Variants in CCDC170 observed in about 807,000 individuals in gnomAD.
The protein encoded by CCDC170 is coiled-coil domain containing 170.
CCDC170 carries 69 observed loss-of-function variants against 72.6 expected under a neutral mutation model. The observed-to-expected ratio is 0.95, with a 90% CI of 0.78 to 1.16. The LOEUF is 1.16. CCDC170 is among the 50% of genes most tolerant of loss of function. The pLI is 0.00. For missense variants in CCDC170, 852 were observed against 832.5 expected (o/e 1.02, Z -0.29); for synonymous variants, 300 against 303.9 (o/e 0.99, Z 0.13).
chr6:151,507,393 A>G (rs1157712139), intron 1 of CCDC170, among the ~76,000 whole-genome samples: 3 of 152,300 alleles, frequency 2.0e-5, no homozygotes, highest in East Asian at 3.9e-4. Flanking sequence ...GAATTTTTCA[A>G]ATTTACCATG....
At chr6:151,533,069 T>C (rs1162175060) in intron 1 of CCDC170, among the ~76,000 whole-genome samples, 1 of 150,600 alleles carries the variant, frequency 6.6e-6, no homozygotes, top group Admixed American at 6.6e-5. Context: ...TTTTTTTTTT[T>C]TTGAGATGGA....
intron 5 of CCDC170, among the ~76,000 whole-genome samples, chr6:151,568,554 T>C (rs1405356704): frequency 2.6e-5 from 4 of 152,222 alleles, no homozygotes; most frequent in Non-Finnish European, 2.9e-5. Context: ...CATCTTCCTT[T>C]CATTCCTAAC....
At position 151,586,012 on chromosome 6, in the gene CCDC170, G is replaced by C. The variant is rs201407743; in HGVS notation, c.1216G>C (p.Gly406Arg). The part of the protein sequence containing the change: ...KAENMLETLQ[G>R]QLTHLEAELV... The stretch of plus-strand genomic sequence containing the variant: ...AGAGAATATGTTGGAGACTCTTCAG[G>C]GTCAGCTGACACACCTGGAGGCAGA... Residue 406 changes from glycine to arginine, a missense_variant, in exon 7 of 11, where the codon GGT becomes CGT. Coordinates refer to ENST00000239374, the MANE Select transcript of CCDC170 (RefSeq NM_025059.4). 2 of 1,614,100 alleles carry C rather than the reference G, an allele frequency of 1.2e-6. No homozygotes were observed. Among genetic ancestry groups the C allele is most frequent in the Non-Finnish European group, 1.7e-6 (2 of 1,180,014 alleles).
chr6:151,513,364 C>T (rs1782175154), intron 1 of CCDC170, among the ~76,000 whole-genome samples: 2 of 152,112 alleles, frequency 1.3e-5, no homozygotes, highest in Admixed American at 6.5e-5. Flanking sequence ...AATCCCAGCA[C>T]TTTGGGATGC....
intron 9 of CCDC170, among the ~76,000 whole-genome samples, chr6:151,600,589 AC>A (rs1361588180): frequency 6.6e-6 from 1 of 152,160 alleles, no homozygotes; most frequent in African/African-American, 2.4e-5. Context: ...AAATAAGGTC[AC>A]ATTCCGAGGT....
At chr6:151,560,898 C>A (rs1783066979) in intron 5 of CCDC170, among the ~76,000 whole-genome samples, 1 of 152,006 alleles carries the variant, frequency 6.6e-6, no homozygotes, top group Non-Finnish European at 1.5e-5. Flanking sequence ...TAGGGTCTTG[C>A]TTTTTAATCC....
chr6:151,516,352 G>C (rs1782235687), intron 1 of CCDC170, among the ~76,000 whole-genome samples: 1 of 152,208 alleles, frequency 6.6e-6, no homozygotes. Flanking sequence ...CCTTGGCCAA[G>C]AGGAGGTCTC....
intron 9 of CCDC170, among the ~76,000 whole-genome samples, chr6:151,599,431 G>C (rs1212097725): frequency 6.6e-6 from 1 of 152,172 alleles, no homozygotes; most frequent in African/African-American, 2.4e-5. Context: ...AGAGGATGAG[G>C]ATGAGTGACA....
intron 3 of CCDC170, among the ~76,000 whole-genome samples, chr6:151,544,350 T>C (rs1039972176): frequency 1.3e-5 from 2 of 152,202 alleles, no homozygotes; most frequent in Non-Finnish European, 2.9e-5. Context: ...GATTTCCTTA[T>C]ATTTCTGCAA....
rs371023882 is a variant in CCDC170 at position 151,615,592 on chromosome 6, A to G, written c.1860A>G (p.Glu620=). 6.2e-7 allele frequency: 1 copy of G among 1,614,034 alleles called. No individual in the cohort carries two copies. Among genetic ancestry groups the G allele is most frequent in the African/African-American group, 1.3e-5 (1 of 74,938 alleles). Residue 620 remains glutamate (E), a synonymous_variant, in exon 10 of 11, where the codon GAA becomes GAG. Transcript: ENST00000239374. ...AACATGAGGCTAAGGAGAATAAAGA[A>G]AGGGCCAGAAACATGATAGAAGTGG... ...TTEHEAKENK[E]RARNMIEVVT...
intron 1 of CCDC170, among the ~76,000 whole-genome samples, chr6:151,511,023 A>G (rs567529602): frequency 1.3e-5 from 2 of 152,314 alleles, no homozygotes; most frequent in Non-Finnish European, 2.9e-5. Context: ...GGTGTGAGCC[A>G]CTGCACCCAG....
At chr6:151,575,053 CTCTCTT>C (rs1776281913) in intron 6 of CCDC170, among the ~76,000 whole-genome samples, 1 of 152,154 alleles carries the variant, frequency 6.6e-6, no homozygotes, top group South Asian at 2.1e-4. Flanking sequence ...CTATCAAGAA[CTCTCTT>C]TCTCTATAAA....
At chr6:151,617,918 A>G (rs1005066227) in intron 10 of CCDC170, 29 bp from the exon 11 acceptor site, 3 of 1,599,148 alleles carry the variant, frequency 1.9e-6, no homozygotes, top group Non-Finnish European at 2.6e-6. Flanking sequence ...TTGTTCTCCC[A>G]GTTAATGAGT....
At chr6:151,541,865 A>AATAT (rs1182684013) in intron 3 of CCDC170, among the ~76,000 whole-genome samples, 14 of 120,170 alleles carry the variant, frequency 1.2e-4, no homozygotes, top group Admixed American at 8.4e-4. Context: ...TATAAATATA[A>AATAT]ATATATATAT....
At chr6:151,528,800 T>C (rs1782449601) in intron 1 of CCDC170, among the ~76,000 whole-genome samples, 1 of 152,080 alleles carries the variant, frequency 6.6e-6, no homozygotes, top group Admixed American at 6.6e-5. Context: ...ATCGTGCCAC[T>C]GCACTCCAGC....
chr6:151,600,493 A>G (rs1776690086), intron 9 of CCDC170, among the ~76,000 whole-genome samples: 1 of 151,876 alleles, frequency 6.6e-6, no homozygotes. Context: ...AAGGACACCC[A>G]TTGTTGGTGT....
chr6:151,600,873 C>A (rs1004809826), intron 9 of CCDC170, among the ~76,000 whole-genome samples: 2 of 152,140 alleles, frequency 1.3e-5, no homozygotes, highest in African/African-American at 4.8e-5. Flanking sequence ...CCCCCAAAAT[C>A]CCACACCCAT....
At chr6:151,580,488 T>C (rs1169316293) in intron 6 of CCDC170, among the ~76,000 whole-genome samples, 1 of 152,134 alleles carries the variant, frequency 6.6e-6, no homozygotes, top group African/African-American at 2.4e-5. Flanking sequence ...ATTAGTAAGT[T>C]ATACTTACTA....
chr6:151,494,766 C>T (rs746824493), intron 1 of CCDC170, among the ~76,000 whole-genome samples: 11 of 151,942 alleles, frequency 7.2e-5, no homozygotes, highest in Admixed American at 4.6e-4. Flanking sequence ...CATACACAGA[C>T]GCTCGTGCAC....
Sources: allele counts gnomAD v4.1 joint callset (sites outside exome capture counted in the v4.1 genomes callset), GRCh38; gene constraint gnomAD v4.1.1; transcripts MANE v1.5; gene names NCBI Gene and HGNC (gene_info 2026-07-23, HGNC 2026-07-21).